TMEM156: variants seen among roughly 807,000 people sequenced by gnomAD.
TMEM156 encodes transmembrane protein 156.
A neutral mutation model predicts 30.5 loss-of-function variants in TMEM156; 28 were observed. The observed-to-expected ratio is 0.92, with a 90% confidence interval of 0.68 to 1.26. The LOEUF (loss-of-function observed/expected upper bound fraction) is 1.26, where lower values mean the gene tolerates loss of function less well. Among genes scored for constraint, TMEM156 ranks in the 50% most tolerant of loss-of-function variants. The pLI is 0.00. For synonymous variants in TMEM156, 137 were observed against 119.9 expected (o/e 1.14, Z -0.93); for missense variants, 351 against 340.6 (o/e 1.03, Z -0.24).
At chr4:38,972,949 C>T (rs1423699837) in intron 5 of TMEM156, among the ~76,000 whole-genome samples, 3 of 152,122 alleles carry the variant, frequency 2.0e-5, no homozygotes, top group Non-Finnish European at 2.9e-5. Context: ...TGATGAGTCT[C>T]TTCTCTGAGT....
At chr4:38,992,323 T>C (rs1185044094) in intron 3 of TMEM156, among the ~76,000 whole-genome samples, 1 of 151,964 alleles carries the variant, frequency 6.6e-6, no homozygotes. Flanking sequence ...CTGCCTAGCA[T>C]ACAGCAGGCA....
intron 5 of TMEM156, chr4:38,980,873 A>G (rs1577514577): frequency 1.1e-6 from 1 of 943,464 alleles, no homozygotes; most frequent in Non-Finnish European, 1.3e-6. Flanking sequence ...TTATGTGCAC[A>G]TGTTTTACCA....
intron 5 of TMEM156, among the ~76,000 whole-genome samples, chr4:38,976,124 T>G (rs535538997): frequency 6.6e-6 from 1 of 151,722 alleles, no homozygotes; most frequent in African/African-American, 2.4e-5. Context: ...CCATCTCTAC[T>G]AAAAACACAA....
chr4:39,002,265 C>T (rs1054997525), intron 1 of TMEM156, among the ~76,000 whole-genome samples: 2 of 151,774 alleles, frequency 1.3e-5, no homozygotes, highest in Admixed American at 1.3e-4. Flanking sequence ...TTTATGCAGC[C>T]AAAAAACACA....
chr4:39,032,289 A>G lies in TMEM156; in HGVS notation c.25T>C (p.Leu9=), dbSNP rs1560391867. 6 of 1,610,044 alleles carry G rather than the reference A, an allele frequency of 3.7e-6. No individual in the cohort carries two copies. Among genetic ancestry groups the G allele is most frequent in the African/African-American group, 1.3e-5 (1 of 74,968 alleles). Reference sequence around the variant, plus strand: ...AATGTGATCACTATTGCCACAAATAATTTAAGGAGGGCTGTTTTTGTCATG... The same window carrying G: ...AATGTGATCACTATTGCCACAAATAGTTTAAGGAGGGCTGTTTTTGTCATG... The part of the protein sequence containing the change: MTKTALLK[L]FVAIVITFIL... The change falls in exon 1 of 7, where the codon TTA becomes CTA. Residue 9 remains leucine (L), a synonymous_variant. Coordinates refer to ENST00000381938, the MANE Select transcript of TMEM156 (RefSeq NM_024943.3).
At chr4:38,976,490 G>C (rs1227833238) in intron 5 of TMEM156, among the ~76,000 whole-genome samples, 1 of 152,146 alleles carries the variant, frequency 6.6e-6, no homozygotes, top group Admixed American at 6.5e-5. Flanking sequence ...ATAGCATCCA[G>C]ATGGGAATGC....
At chr4:39,031,069 T>C (rs1010108082) in intron 1 of TMEM156, among the ~76,000 whole-genome samples, 2 of 152,250 alleles carry the variant, frequency 1.3e-5, no homozygotes, top group African/African-American at 4.8e-5. Context: ...TATCTGGCTA[T>C]TTAGCATTAC....
chr4:38,999,342 T>C (rs1388246669), intron 1 of TMEM156, among the ~76,000 whole-genome samples: 1 of 152,046 alleles, frequency 6.6e-6, no homozygotes, highest in African/African-American at 2.4e-5. Flanking sequence ...ATTTCTCTTT[T>C]AAACCTGTGA....
chr4:39,030,730 G>A (rs764389611), intron 1 of TMEM156, among the ~76,000 whole-genome samples: 26 of 94,406 alleles, frequency 2.8e-4, no homozygotes, highest in Non-Finnish European at 3.5e-4. Context: ...GGTGTAGATC[G>A]ATAGCTAGCT....
At chr4:38,982,988 G>A (rs1711696921) in intron 5 of TMEM156, among the ~76,000 whole-genome samples, 1 of 152,174 alleles carries the variant, frequency 6.6e-6, no homozygotes, top group African/African-American at 2.4e-5. Flanking sequence ...GGCACCTGGA[G>A]TACCACTGTA....
At chr4:38,969,229 C>G (rs188095248) in intron 6 of TMEM156, among the ~76,000 whole-genome samples, 2 of 152,274 alleles carry the variant, frequency 1.3e-5, no homozygotes, top group East Asian at 3.9e-4. Context: ...TCCCTTCATC[C>G]TCTCCCCACA....
chr4:38,992,700 AATATATATATATT>A (rs1176257129), intron 3 of TMEM156, among the ~76,000 whole-genome samples: 6 of 44,200 alleles, frequency 1.4e-4, no homozygotes, highest in Admixed American at 5.1e-4. Context: ...TATATTATAT[AATATATATATATT>A]ATATATATAT....
chr4:39,022,692 C>T (rs1323836190), intron 1 of TMEM156, among the ~76,000 whole-genome samples: 2 of 152,120 alleles, frequency 1.3e-5, no homozygotes, highest in African/African-American at 4.8e-5. Context: ...TGTAGAATAT[C>T]TTTCCATAAA....
chr4:38,998,437 G>T, intron 2 of TMEM156: 1 of 280,174 alleles, frequency 3.6e-6, no homozygotes, highest in Non-Finnish European at 6.0e-6. Context: ...CCAGCTACTC[G>T]GGAGGCTGAG....
chr4:39,022,321 T>A (rs930328733), intron 1 of TMEM156, among the ~76,000 whole-genome samples: 1 of 152,250 alleles, frequency 6.6e-6, no homozygotes, highest in Non-Finnish European at 1.5e-5. Flanking sequence ...GCTAGATTAC[T>A]GTTTTATGGA....
chr4:39,004,781 T>C (rs1267589869), intron 1 of TMEM156, among the ~76,000 whole-genome samples: 1 of 152,206 alleles, frequency 6.6e-6, no homozygotes, highest in African/African-American at 2.4e-5. Context: ...CATACATTGC[T>C]GGTAGGAATG....
chr4:38,986,315 T>C, intron 5 of TMEM156, 21 bp downstream of exon 5: 1 of 1,592,642 alleles, frequency 6.3e-7, no homozygotes, highest in East Asian at 2.2e-5. Context: ...TGCTGTTTTG[T>C]TTACATGCCA....
At chr4:39,023,447 C>T (rs1404724921) in intron 1 of TMEM156, among the ~76,000 whole-genome samples, 2 of 152,140 alleles carry the variant, frequency 1.3e-5, no homozygotes, top group East Asian at 3.8e-4. Flanking sequence ...GATAAAGGGA[C>T]AAATGTTGTG....
intron 3 of TMEM156, among the ~76,000 whole-genome samples, chr4:38,993,306 C>T (rs982112678): frequency 2.0e-5 from 3 of 151,896 alleles, no homozygotes; most frequent in African/African-American, 4.8e-5. Flanking sequence ...TGGTGCACAC[C>T]TGTAGTCCCA....
Sources: allele counts gnomAD v4.1 joint callset (sites outside exome capture counted in the v4.1 genomes callset), GRCh38; gene constraint gnomAD v4.1.1; transcripts MANE v1.5; gene names NCBI Gene and HGNC (gene_info 2026-07-23, HGNC 2026-07-21).